PTPRO: variants seen among roughly 807,000 people sequenced by gnomAD.
The protein encoded by PTPRO is receptor-type tyrosine-protein phosphatase O.
PTPRO carries 62 observed loss-of-function variants against 145.2 expected under a neutral mutation model. That is an observed-to-expected ratio of 0.43 (90% CI 0.35 to 0.53). PTPRO has a LOEUF of 0.53. PTPRO is among the 20% of genes least tolerant of loss of function. PTPRO has a pLI of 0.01. For missense variants in PTPRO, 1,345 were observed against 1,482.7 expected (o/e 0.91, Z 1.53); for synonymous variants, 565 against 514.7 (o/e 1.10, Z -1.32).
chr12:15,586,428 G>A (rs568613973), intron 23 of PTPRO, among the ~76,000 whole-genome samples: 6 of 152,302 alleles, frequency 3.9e-5, no homozygotes, highest in East Asian at 1.9e-4. Context: ...GCAGGAGAAC[G>A]CAACCTCTTA....
chr12:15,524,699 T>A (rs1306178516), intron 10 of PTPRO, 115 bp from the exon 11 acceptor site: 1 of 1,117,956 alleles, frequency 8.9e-7, no homozygotes, highest in Non-Finnish European at 1.3e-6. Context: ...GGGACTATCG[T>A]GTGCTGTGAA....
chr12:15,578,807 T>C, intron 19 of PTPRO, 46 bp from the exon 20 acceptor site: 1 of 1,415,218 alleles, frequency 7.1e-7, no homozygotes, highest in Non-Finnish European at 1.0e-6. Flanking sequence ...ATAATCCAAT[T>C]CACACCACGT....
chr12:15,514,451 CAAAAAAAAAA>C (rs71438353), intron 7 of PTPRO, among the ~76,000 whole-genome samples: 8 of 68,936 alleles, frequency 1.2e-4, no homozygotes, highest in African/African-American at 4.7e-4. Flanking sequence ...GACTCTGTCT[CAAAAAAAAAA>C]AAAAAAAAAA....
chr12:15,504,788 A>G (rs1942289057), intron 6 of PTPRO, among the ~76,000 whole-genome samples: 1 of 152,240 alleles, frequency 6.6e-6, no homozygotes, highest in Non-Finnish European at 1.5e-5. Context: ...AATTGCTTTC[A>G]GAAAAGGATA....
chr12:15,467,280 A>G (rs1941436737), intron 1 of PTPRO, among the ~76,000 whole-genome samples: 1 of 152,126 alleles, frequency 6.6e-6, no homozygotes, highest in Non-Finnish European at 1.5e-5. Context: ...CCTACTTGGC[A>G]TCTGCACTTG....
At chr12:15,360,925 TAC>T (rs1237564016) in intron 1 of PTPRO, among the ~76,000 whole-genome samples, 21 of 145,712 alleles carry the variant, frequency 1.4e-4, no homozygotes, top group Admixed American at 2.1e-4. Flanking sequence ...CACATGTATA[TAC>T]ACACACATAT....
chr12:15,576,980 C>A (rs566401034), intron 19 of PTPRO, among the ~76,000 whole-genome samples: 2 of 152,274 alleles, frequency 1.3e-5, no homozygotes. Flanking sequence ...CTAAACATCA[C>A]ACTGATTTAG....
chr12:15,344,769 T>C (rs1211971539), intron 1 of PTPRO, among the ~76,000 whole-genome samples: 1 of 152,180 alleles, frequency 6.6e-6, no homozygotes, highest in African/African-American at 2.4e-5. Flanking sequence ...TGGCCTACCA[T>C]ACCAACCTCA....
intron 1 of PTPRO, among the ~76,000 whole-genome samples, chr12:15,423,419 A>G (rs377638732): frequency 2.6e-5 from 4 of 152,204 alleles, no homozygotes; most frequent in Non-Finnish European, 5.9e-5. Context: ...AATATTTTCC[A>G]TATTTAATTA....
intron 2 of PTPRO, among the ~76,000 whole-genome samples, chr12:15,492,227 T>C (rs1384503041): frequency 6.6e-6 from 1 of 152,098 alleles, no homozygotes; most frequent in Non-Finnish European, 1.5e-5. Flanking sequence ...AAGCATCAAA[T>C]GAGCCCAGAG....
At chr12:15,389,032 T>C (rs1231491306) in intron 1 of PTPRO, among the ~76,000 whole-genome samples, 1 of 152,070 alleles carries the variant, frequency 6.6e-6, no homozygotes, top group Non-Finnish European at 1.5e-5. Context: ...TATTTTTTTT[T>C]CCAACGTGAT....
At chr12:15,400,676 A>G (rs1939468542) in intron 1 of PTPRO, among the ~76,000 whole-genome samples, 4 of 152,230 alleles carry the variant, frequency 2.6e-5, no homozygotes, top group Admixed American at 2.6e-4. Context: ...TAGCTTATTC[A>G]GTTTCTTATT....
intron 1 of PTPRO, among the ~76,000 whole-genome samples, chr12:15,405,371 AC>A (rs199598802): frequency 6.9e-6 from 1 of 145,668 alleles, no homozygotes; most frequent in African/African-American, 2.5e-5. Flanking sequence ...GCCAACTGAA[AC>A]TTTTATGTTT....
intron 1 of PTPRO, among the ~76,000 whole-genome samples, chr12:15,343,560 C>T (rs1473574819): frequency 6.6e-6 from 1 of 152,092 alleles, no homozygotes; most frequent in East Asian, 1.9e-4. Flanking sequence ...TGGTGGCTCG[C>T]ACCTGTAGTT....
At chr12:15,590,626 A>T (rs1362599136) in intron 25 of PTPRO, among the ~76,000 whole-genome samples, 2 of 151,934 alleles carry the variant, frequency 1.3e-5, no homozygotes, top group Non-Finnish European at 2.9e-5. Context: ...CTACCTCCCC[A>T]TTCTTGTCTG....
At position 15,520,183 on chromosome 12, in the gene PTPRO, CT is replaced by C. The variant is rs1480217190; in HGVS notation, c.1780-16del. 1 of 1,570,424 alleles carries C rather than the reference CT, an allele frequency of 6.4e-7. No individual in the cohort carries two copies. The highest frequency in any genetic ancestry group is 1.7e-5 in the Admixed American group (1 of 59,936). On this transcript the variant is annotated splice_polypyrimidine_tract_variant and intron_variant, in intron 9 of 26. Transcript: ENST00000281171. ...TCTCCCACAGTCTTTTGTCTCCTTG[CT>C]TGCTTTTCTCATTCAGAGAATAGCT...
intron 2 of PTPRO, among the ~76,000 whole-genome samples, chr12:15,494,246 C>G (rs1202867731): frequency 6.6e-6 from 1 of 152,018 alleles, no homozygotes; most frequent in African/African-American, 2.4e-5. Flanking sequence ...AAGTAATGAA[C>G]AAAGATATTA....
intron 1 of PTPRO, among the ~76,000 whole-genome samples, chr12:15,404,188 CAAA>C (rs370733389): frequency 2.0e-5 from 1 of 49,996 alleles, no homozygotes; most frequent in Non-Finnish European, 4.1e-5. Context: ...GACCCCATCT[CAAA>C]AAAAAAAAAA....
intron 1 of PTPRO, among the ~76,000 whole-genome samples, chr12:15,369,976 C>A (rs756991963): frequency 2.6e-5 from 4 of 152,022 alleles, no homozygotes; most frequent in African/African-American, 4.8e-5. Context: ...TGCTTGAACC[C>A]GGGAAGTGGA....
Sources: allele counts gnomAD v4.1 joint callset (sites outside exome capture counted in the v4.1 genomes callset), GRCh38; gene constraint gnomAD v4.1.1; transcripts MANE v1.5; gene names NCBI Gene and HGNC (gene_info 2026-07-23, HGNC 2026-07-21).